Variants in TOGARAM1 observed in about 807,000 individuals in gnomAD.
TOGARAM1 encodes TOG array regulator of axonemal microtubules 1.
In TOGARAM1, 100 loss-of-function variants were observed where a neutral mutation model predicts 166.6. The observed-to-expected ratio is 0.60, with a 90% CI of 0.51 to 0.71. The LOEUF (loss-of-function observed/expected upper bound fraction) is 0.71, where lower values mean the gene tolerates loss of function less well. TOGARAM1 is among the 30% of genes least tolerant of loss of function. The pLI is 0.00. For synonymous variants in TOGARAM1, 758 were observed against 763.8 expected (o/e 0.99, Z 0.13); for missense variants, 2,029 against 2,102.7 (o/e 0.96, Z 0.69).
chr14:44,986,405 T>G (rs1292963199), intron 1 of TOGARAM1, among the ~76,000 whole-genome samples: 1 of 152,122 alleles, frequency 6.6e-6, no homozygotes, highest in Non-Finnish European at 1.5e-5. Flanking sequence ...TCCCCCTACC[T>G]CAGCCTCCCG....
intron 1 of TOGARAM1, chr14:44,995,410 T>C: frequency 2.2e-6 from 1 of 455,778 alleles, no homozygotes; most frequent in South Asian, 1.6e-5. Flanking sequence ...CAAACAAAGA[T>C]AGCATAGTTT....
At chr14:44,999,826 A>G (rs1361616831) in intron 3 of TOGARAM1, among the ~76,000 whole-genome samples, 2 of 152,154 alleles carry the variant, frequency 1.3e-5, no homozygotes, top group Non-Finnish European at 2.9e-5. Context: ...AAATTAGGCT[A>G]TTTAGGATAT....
In TOGARAM1 at chr14:44,962,236, C is replaced by T. The variant is rs998165820; in HGVS notation, c.-186C>T. On this transcript the variant is annotated 5_prime_UTR_variant, in exon 1 of 20. Transcript: ENST00000361462. ...CCGGTGGCAGCTGTGGGGTCTAGGG[C>T]TCAGACGGGGGCCATTTTGCCAGAG... is the stretch of plus-strand genomic sequence containing the variant. 1.6e-6 allele frequency: 1 copy of T among 624,592 alleles called. No individual in the cohort carries two copies. Among genetic ancestry groups the T allele is most frequent in the African/African-American group, 1.9e-5 (1 of 53,716 alleles). 38.7% of individuals were successfully genotyped at this position (624,592 alleles called of 1,614,324 possible).
At chr14:45,001,946 A>G (rs933525488) in intron 3 of TOGARAM1, among the ~76,000 whole-genome samples, 11 of 152,226 alleles carry the variant, frequency 7.2e-5, no homozygotes, top group African/African-American at 2.4e-4. Context: ...AGCTTTAACA[A>G]TTATTAGATA....
intron 18 of TOGARAM1, among the ~76,000 whole-genome samples, chr14:45,069,765 G>C (rs527628678): frequency 6.6e-6 from 1 of 152,216 alleles, no homozygotes; most frequent in Admixed American, 6.5e-5. Flanking sequence ...CACAGCTGGT[G>C]AGAATGTAAA....
At chr14:44,987,982 A>G (rs928443824) in intron 1 of TOGARAM1, among the ~76,000 whole-genome samples, 5 of 151,958 alleles carry the variant, frequency 3.3e-5, no homozygotes, top group African/African-American at 1.2e-4. Context: ...GGAAACCATC[A>G]TTCTCAGCAA....
intron 1 of TOGARAM1, among the ~76,000 whole-genome samples, chr14:44,982,520 C>T (rs918737954): frequency 2.6e-5 from 4 of 152,132 alleles, no homozygotes; most frequent in Admixed American, 1.3e-4. Context: ...AAGGAGTATA[C>T]TTGCTTCATG....
At chr14:45,011,943 A>G in intron 6 of TOGARAM1, 32 bp from the exon 7 acceptor site, 1 of 1,466,912 alleles carries the variant, frequency 6.8e-7, no homozygotes, top group Non-Finnish European at 9.4e-7. Context: ...CTAAATCTTA[A>G]TGTTTATTGA....
At chr14:45,001,438 A>T (rs1260134467) in intron 3 of TOGARAM1, among the ~76,000 whole-genome samples, 1 of 152,234 alleles carries the variant, frequency 6.6e-6, no homozygotes, top group South Asian at 2.1e-4. Flanking sequence ...CTGCATGGCA[A>T]AGGAAACAGT....
chr14:45,032,328 C>T lies in TOGARAM1; in HGVS notation c.3764C>T (p.Pro1255Leu). The T allele has an allele frequency of 6.2e-7, 1 of 1,613,974 alleles. No homozygotes were observed. The highest frequency in any genetic ancestry group is 1.1e-5 in the South Asian group (1 of 91,038). ...DLSELRPFSK[P>L]EIALTEALRL... The stretch of plus-strand genomic sequence containing the variant: ...TCAGAACTACGACCATTCTCTAAAC[C>T]AGAAATAGCACTGACAGAAGCCCTG... Residue 1255 changes from proline to leucine, a missense_variant, in exon 11 of 20, where the codon CCA becomes CTA. By Grantham distance (98) the Pro-to-Leu change is moderately conservative (BLOSUM62 -3). Coordinates refer to ENST00000361462, the MANE Select transcript of TOGARAM1 (RefSeq NM_001308120.2).
chr14:44,972,676 T>C (rs1885949211), intron 1 of TOGARAM1, among the ~76,000 whole-genome samples: 1 of 152,180 alleles, frequency 6.6e-6, no homozygotes, highest in Non-Finnish European at 1.5e-5. Context: ...CTGAAATTAA[T>C]ATAGCTACTC....
At chr14:45,005,346 C>T (rs1043091997) in intron 4 of TOGARAM1, among the ~76,000 whole-genome samples, 13 of 152,006 alleles carry the variant, frequency 8.6e-5, no homozygotes, top group African/African-American at 2.4e-4. Flanking sequence ...GTCGACTGAG[C>T]GTAGTGGGTC....
At chr14:45,071,943 C>T (rs1417578815) in intron 19 of TOGARAM1, 145 bp downstream of exon 19, 2 of 591,950 alleles carry the variant, frequency 3.4e-6, no homozygotes, top group Non-Finnish European at 5.7e-6. Context: ...CACAAGAGAA[C>T]CTTTTAAGAC....
chr14:44,969,946 A>G (rs760436407), intron 1 of TOGARAM1, among the ~76,000 whole-genome samples: 1 of 152,110 alleles, frequency 6.6e-6, no homozygotes, highest in African/African-American at 2.4e-5. Flanking sequence ...CTGTAGCTTT[A>G]TAGTAAATCT....
intron 1 of TOGARAM1, among the ~76,000 whole-genome samples, chr14:44,964,738 G>T (rs1346347617): frequency 6.6e-6 from 1 of 152,018 alleles, no homozygotes; most frequent in African/African-American, 2.4e-5. Flanking sequence ...TAGCATGTCA[G>T]TTTATCTCAT....
At chr14:45,038,462 A>G (rs995517454) in intron 11 of TOGARAM1, among the ~76,000 whole-genome samples, 4 of 152,232 alleles carry the variant, frequency 2.6e-5, no homozygotes, top group Non-Finnish European at 5.9e-5. Context: ...AGCCAGGCAT[A>G]TGCTGGTTGT....
rs745951285 is a variant in TOGARAM1, at chr14:44,962,691, A to G, written c.270A>G (p.Ser90=). Residue 90 remains serine, a synonymous_variant, in exon 1 of 20, where the codon TCA becomes TCG. Coordinates refer to ENST00000361462, the MANE Select transcript of TOGARAM1 (RefSeq NM_001308120.2). ...GGTCTGAGTCTGGAGGCGGTTTGTC[A>G]GGGGGAGATGAAGAGGACACTCGGC... ...SSWSESGGGL[S]GGDEEDTRLL... is the part of the protein sequence containing the mutation. The G allele has an allele frequency of 2.0e-5, 32 of 1,614,030 alleles. No individual in the cohort carries two copies. In the East Asian group the frequency reaches 6.0e-4, roughly 30 times the overall value.
At chr14:45,050,747 T>C (rs1251163589) in intron 14 of TOGARAM1, among the ~76,000 whole-genome samples, 1 of 152,096 alleles carries the variant, frequency 6.6e-6, no homozygotes, top group Non-Finnish European at 1.5e-5. Context: ...CCTGAGTTGC[T>C]GGGATTACAG....
intron 1 of TOGARAM1, among the ~76,000 whole-genome samples, chr14:44,977,511 C>T (rs1886271997): frequency 6.6e-6 from 1 of 152,154 alleles, no homozygotes; most frequent in African/African-American, 2.4e-5. Flanking sequence ...GCTGGGATTA[C>T]AGGCGTGAGC....
Sources: allele counts gnomAD v4.1 joint callset (sites outside exome capture counted in the v4.1 genomes callset), GRCh38; gene constraint gnomAD v4.1.1; transcripts MANE v1.5; gene names NCBI Gene and HGNC (gene_info 2026-07-23, HGNC 2026-07-21).